Variants in MYO1H observed in about 807,000 individuals in gnomAD.
The protein encoded by MYO1H is unconventional myosin-Ih.
MYO1H carries 118 observed loss-of-function variants against 149.3 expected under a neutral mutation model. That is an observed-to-expected ratio of 0.79 (90% CI 0.68 to 0.92). MYO1H has a LOEUF of 0.92. Among genes scored for constraint, MYO1H ranks in the 40% least tolerant of loss-of-function variants. MYO1H has a pLI of 0.00. For missense variants in MYO1H, 1,212 were observed against 1,280.7 expected, an observed-to-expected ratio of 0.95 and a Z score of 0.82; for synonymous variants, 447 against 465.2, an observed-to-expected ratio of 0.96 and a Z score of 0.50.
chr12:109,416,665 A>G (rs1315030497), intron 15 of MYO1H, among the ~76,000 whole-genome samples: 3 of 151,988 alleles, frequency 2.0e-5, no homozygotes, highest in Non-Finnish European at 4.4e-5. Context: ...TTTCTTATAT[A>G]TATACGTAGG....
At position 109,409,549 on chromosome 12, in the gene MYO1H, T is replaced by A; in HGVS notation, c.1156-8T>A. 6.2e-7 allele frequency: 1 copy of A among 1,613,366 alleles called. No homozygotes were observed. Among genetic ancestry groups the A allele is most frequent in the African/African-American group, 1.3e-5 (1 of 75,024 alleles). ...CTAACTATGAATGGGGTGTGTTATT[T>A]TGACCAGGATTTCACCAGGAAAACT... On this transcript the variant is annotated splice_polypyrimidine_tract_variant and splice_region_variant and intron_variant, in intron 10 of 31. Transcript: ENST00000310903.
chr12:109,446,326 A>AG (rs1872477555), intron 31 of MYO1H: 1 of 984,858 alleles, frequency 1.0e-6, no homozygotes, highest in South Asian at 4.7e-5. Context: ...TTTTGCTGAA[A>AG]ACGACATGTT....
At chr12:109,318,978 T>TTTGTTTTG in the MYO1H span, among the ~76,000 whole-genome samples, 3 of 111,640 alleles carry the variant, frequency 2.7e-5, no homozygotes, top group African/African-American at 1.1e-4. Flanking sequence ...TTTTGTTTTT[T>TTTGTTTTG]TTTTTTTTTT....
chr12:109,444,552 C>T, intron 30 of MYO1H, 23 bp downstream of exon 30: 1 of 1,561,874 alleles, frequency 6.4e-7, no homozygotes, highest in Non-Finnish European at 8.8e-7. Flanking sequence ...ATCTTCAGCT[C>T]AGGAAGTAAT....
At chr12:109,414,903 G>T (rs957622059) in intron 14 of MYO1H, among the ~76,000 whole-genome samples, 3 of 151,816 alleles carry the variant, frequency 2.0e-5, no homozygotes, top group African/African-American at 4.8e-5. Flanking sequence ...TTAAAGACAG[G>T]GTCTTGCTGT....
chr12:109,428,446 GTT>G (rs1467011683), intron 19 of MYO1H, among the ~76,000 whole-genome samples: 1 of 152,196 alleles, frequency 6.6e-6, no homozygotes, highest in East Asian at 1.9e-4. Flanking sequence ...GGATCAGGGA[GTT>G]TGTAAAGATT....
the MYO1H span, among the ~76,000 whole-genome samples, chr12:109,332,630 T>G: frequency 6.6e-6 from 1 of 152,228 alleles, no homozygotes; most frequent in Non-Finnish European, 1.5e-5. Flanking sequence ...CACGCTGGAG[T>G]GCAGTGGTGC....
At position 109,374,995 on chromosome 12, in the gene MYO1H, C is replaced by T. The variant is rs527628675; in HGVS notation, c.13-13688C>T. On this transcript the variant is annotated intron_variant, in intron 1 of 31. Coordinates refer to ENST00000310903, the Ensembl canonical transcript of MYO1H. ...TCAGCCTCCTGAGTAGCTGGGATTA[C>T]ACGTGCCTGCCACTGTGCCCAGTGA... Among the ~76,000 whole-genome samples, 12 of 151,792 alleles carry T rather than the reference C, an allele frequency of 7.9e-5. 1 individual carries two copies. The East Asian group carries it at 2.3e-3, about 30-fold the overall frequency.
chr12:109,393,054 C>A (rs183610547), intron 2 of MYO1H, among the ~76,000 whole-genome samples: 1 of 151,868 alleles, frequency 6.6e-6, no homozygotes, highest in Admixed American at 6.6e-5. Flanking sequence ...GTGATCCACC[C>A]GCCTCGGCCT....
chr12:109,379,327 A>T (rs1203468786), intron 1 of MYO1H, among the ~76,000 whole-genome samples: 1 of 152,230 alleles, frequency 6.6e-6, no homozygotes, highest in Non-Finnish European at 1.5e-5. Flanking sequence ...GTCCATTTTT[A>T]AAAAGTTCTA....
intron 1 of MYO1H, among the ~76,000 whole-genome samples, chr12:109,368,297 A>C (rs920405585): frequency 4.6e-5 from 7 of 152,352 alleles, no homozygotes; most frequent in Non-Finnish European, 5.9e-5. Flanking sequence ...ATGTAAAAAG[A>C]GCTCAATAGA....
intron 1 of MYO1H, among the ~76,000 whole-genome samples, chr12:109,370,692 G>A (rs959805287): frequency 4.6e-5 from 7 of 152,248 alleles, no homozygotes; most frequent in East Asian, 1.9e-4. Flanking sequence ...ACCTGTGCTC[G>A]CTCTCAGACC....
rs1555255206 is a variant in MYO1H, at chr12:109,439,498, T to TGGGCTGTGGCCTACATTCCA, written c.2295-131_2295-130insGCTGTGGCCTACATTCCAGG. The TGGGCTGTGGCCTACATTCCA allele has an allele frequency of 5.9e-6, 4 of 676,040 alleles. 1 individual carries two copies. Among genetic ancestry groups the TGGGCTGTGGCCTACATTCCA allele is most frequent in the Non-Finnish European group, 9.7e-6 (4 of 411,112 alleles). The allele number at this position is 676,040 out of a possible 1,614,324, so 41.9% of individuals were successfully genotyped here. On this transcript the variant is annotated intron_variant, in intron 23 of 31. Coordinates refer to ENST00000310903, the Ensembl canonical transcript of MYO1H. ...ATCGAACATATATGTGGGGCAGATT[T>TGGGCTGTGGCCTACATTCCA]GGCCTCTGGCCTATGTGGTCATCTC...
At chr12:109,392,791 A>G (rs1164212999) in intron 2 of MYO1H, among the ~76,000 whole-genome samples, 1 of 151,552 alleles carries the variant, frequency 6.6e-6, no homozygotes, top group Non-Finnish European at 1.5e-5. Context: ...TATGCTATGT[A>G]TACCTTTCTT....
At chr12:109,438,129 A>C (rs10850139) in intron 22 of MYO1H, among the ~76,000 whole-genome samples, 60,061 of 149,158 alleles carry the variant, frequency 0.4, 12,493 homozygotes, top group African/African-American at 0.46. Context: ...GCCAGAACCT[A>C]AGTTTTATAT....
intron 14 of MYO1H, among the ~76,000 whole-genome samples, chr12:109,412,408 T>C (rs1386886996): frequency 6.6e-6 from 1 of 152,156 alleles, no homozygotes; most frequent in African/African-American, 2.4e-5. Context: ...TCCACCCATC[T>C]TGGCCTCCCA....
upstream of MYO1H, among the ~76,000 whole-genome samples, chr12:109,347,103 A>T (rs1167099158): frequency 6.6e-6 from 1 of 152,180 alleles, no homozygotes; most frequent in Non-Finnish European, 1.5e-5. Context: ...TCCATCCAAC[A>T]GGGGGTGCTG....
At chr12:109,443,032 G>A (rs71442734) in intron 27 of MYO1H, among the ~76,000 whole-genome samples, 19 of 102,980 alleles carry the variant, frequency 1.8e-4, no homozygotes, top group Non-Finnish European at 2.8e-4. Flanking sequence ...ATATATATGT[G>A]TGTGTGTGTG....
chr12:109,444,498 A>G (rs1439538914), exon 30 of MYO1H: 2 of 1,613,830 alleles, frequency 1.2e-6, no homozygotes, highest in Non-Finnish European at 1.7e-6. Flanking sequence ...GCTGGTTAAG[A>G]AGGAGAACAT....
Sources: gnomAD v4.1 joint callset for allele counts (sites outside exome capture counted in the v4.1 genomes callset) on GRCh38, gnomAD v4.1.1 for gene constraint, MANE v1.5 for transcripts, NCBI Gene and HGNC (gene_info 2026-07-23, HGNC 2026-07-21) for gene names.